The following NELL2 variants were observed in gnomAD, a reference collection of about 807,000 sequenced individuals.
NELL2 encodes protein kinase C-binding protein NELL2.
A neutral mutation model predicts 109.6 loss-of-function variants in NELL2; 41 were observed. That is an observed-to-expected ratio of 0.37 (90% confidence interval 0.29 to 0.49). NELL2 has a LOEUF of 0.49. NELL2 is among the 20% of genes least tolerant of loss of function. The pLI is 0.98. For missense variants in NELL2, 900 were observed against 1,008.3 expected, an observed-to-expected ratio of 0.89 and a Z score of 1.45; for synonymous variants, 355 against 344.7, an observed-to-expected ratio of 1.03 and a Z score of -0.33.
chr12:44,562,367 G>C (rs1275176364), intron 15 of NELL2, among the ~76,000 whole-genome samples: 5 of 152,160 alleles, frequency 3.3e-5, no homozygotes, highest in Admixed American at 1.3e-4. Context: ...ACTATCATCA[G>C]AGTGAACAGG....
chr12:44,752,384 ATGAC>A (rs1940691953), intron 9 of NELL2, among the ~76,000 whole-genome samples: 1 of 152,186 alleles, frequency 6.6e-6, no homozygotes, highest in African/African-American at 2.4e-5. Flanking sequence ...TTCCAGCAGT[ATGAC>A]TGACATACAG....
At chr12:44,729,651 A>C (rs1171129053) in intron 9 of NELL2, among the ~76,000 whole-genome samples, 3 of 151,858 alleles carry the variant, frequency 2.0e-5, no homozygotes, top group Admixed American at 1.3e-4. Flanking sequence ...TGAATGTGAA[A>C]TGTTTGAAAC....
intron 11 of NELL2, among the ~76,000 whole-genome samples, chr12:44,708,994 A>G (rs1938043345): frequency 6.6e-6 from 1 of 152,180 alleles, no homozygotes; most frequent in African/African-American, 2.4e-5. Flanking sequence ...TTTAAAAAGA[A>G]ATAGATGTAG....
intron 15 of NELL2, among the ~76,000 whole-genome samples, chr12:44,602,659 G>A (rs1455502916): frequency 6.6e-6 from 1 of 151,780 alleles, no homozygotes; most frequent in African/African-American, 2.4e-5. Context: ...TTTCCACTGT[G>A]AGTCATATTG....
At chr12:44,729,572 A>AC (rs1939257872) in intron 9 of NELL2, among the ~76,000 whole-genome samples, 3 of 92,484 alleles carry the variant, frequency 3.2e-5, no homozygotes, top group African/African-American at 8.3e-5. Context: ...ATTAAAAAAA[A>AC]AAAAAACCAA....
chr12:44,567,305 G>A (rs990066931), intron 15 of NELL2, among the ~76,000 whole-genome samples: 14 of 152,012 alleles, frequency 9.2e-5, no homozygotes, highest in Admixed American at 5.9e-4. Context: ...AGATACCTCA[G>A]CCAATGAGAT....
At chr12:44,892,304 A>G (rs1477819342) in intron 1 of NELL2, among the ~76,000 whole-genome samples, 1 of 152,182 alleles carries the variant, frequency 6.6e-6, no homozygotes, top group Admixed American at 6.5e-5. Flanking sequence ...GTTACTGTCC[A>G]ACTGGGCAGG....
chr12:44,632,396 T>G (rs958700282), intron 13 of NELL2, among the ~76,000 whole-genome samples: 1 of 152,094 alleles, frequency 6.6e-6, no homozygotes, highest in Non-Finnish European at 1.5e-5. Context: ...TGGAAACACA[T>G]GGCTTTCAAA....
At chr12:44,565,414 T>C (rs1278111537) in intron 15 of NELL2, among the ~76,000 whole-genome samples, 1 of 152,188 alleles carries the variant, frequency 6.6e-6, no homozygotes, top group Non-Finnish European at 1.5e-5. Flanking sequence ...AATACGTGCA[T>C]CTTAGAATTG....
Position 44,774,145 on chromosome 12 carries a change from G to A in NELL2, c.994+602C>T, listed in dbSNP as rs185398230. ...AAATTATTTCCATTATTTATTGAAC[G>A]ATCTAGAACCCAGTTAAGGGTAGTT... is the stretch of plus-strand genomic sequence containing the variant. On this transcript the variant is annotated intron_variant, in intron 9 of 19. Transcript: ENST00000429094. Among the ~76,000 whole-genome samples the A allele has an allele frequency of 1.1e-3, 172 of 152,258 alleles. 2 individuals carry two copies. The South Asian group carries it at 0.02, about 17-fold the overall frequency.
intron 3 of NELL2, among the ~76,000 whole-genome samples, chr12:44,793,424 C>T (rs1942506420): frequency 6.6e-6 from 1 of 152,064 alleles, no homozygotes; most frequent in Admixed American, 6.6e-5. Flanking sequence ...ACGCATCATC[C>T]CATTGCTAAA....
chr12:44,857,914 T>TC (rs1012063911), intron 2 of NELL2, among the ~76,000 whole-genome samples: 1 of 152,030 alleles, frequency 6.6e-6, no homozygotes, highest in Non-Finnish European at 1.5e-5. Flanking sequence ...AGGGGCAGTT[T>TC]CCCCCCATGC....
At chr12:44,577,700 G>A (rs1312691433) in intron 15 of NELL2, among the ~76,000 whole-genome samples, 4 of 151,778 alleles carry the variant, frequency 2.6e-5, no homozygotes, top group Non-Finnish European at 4.4e-5. Flanking sequence ...GGATGGTCTC[G>A]ATCTCCTGAC....
rs1048384293 is a variant in NELL2 at position 44,587,050 on chromosome 12, A to G, written c.1663+20119T>C. Among the ~76,000 whole-genome samples, 4 of 151,894 alleles carry G rather than the reference A, an allele frequency of 2.6e-5. No individual in the cohort carries two copies. The South Asian group carries it at 8.3e-4, about 32-fold the overall frequency. ...CACTTTGGGAGGCCGAGGCGGGTGG[A>G]TCATGAGGTCAGGAGATTGAGACCA... On this transcript the variant is annotated intron_variant, in intron 15 of 19. Transcript: ENST00000429094.
At chr12:44,904,925 T>C (rs1028596705) in intron 1 of NELL2, among the ~76,000 whole-genome samples, 1 of 152,112 alleles carries the variant, frequency 6.6e-6, no homozygotes, top group African/African-American at 2.4e-5. Context: ...TTGGTTATTC[T>C]ATCATGATTT....
chr12:44,793,600 C>T (rs900892697), intron 3 of NELL2, among the ~76,000 whole-genome samples: 9 of 152,238 alleles, frequency 5.9e-5, no homozygotes, highest in Non-Finnish European at 1.0e-4. Context: ...CAAACAATAA[C>T]AGCCATTAAG....
chr12:44,534,987 G>T (rs1457606152), intron 15 of NELL2, among the ~76,000 whole-genome samples: 1 of 151,460 alleles, frequency 6.6e-6, no homozygotes. Flanking sequence ...TCCTTTACCG[G>T]GCCCACTCCT....
chr12:44,826,259 T>C (rs1943707924), intron 2 of NELL2, among the ~76,000 whole-genome samples: 1 of 152,170 alleles, frequency 6.6e-6, no homozygotes, highest in African/African-American at 2.4e-5. Context: ...AAAAATACAA[T>C]GTATAAATTC....
intron 9 of NELL2, among the ~76,000 whole-genome samples, chr12:44,756,766 C>T (rs1261138898): frequency 1.3e-5 from 2 of 152,122 alleles, no homozygotes; most frequent in African/African-American, 2.4e-5. Context: ...ATTTTACAGG[C>T]TCTTCCACTT....
Sources: allele counts gnomAD v4.1 joint callset (sites outside exome capture counted in the v4.1 genomes callset), GRCh38; gene constraint gnomAD v4.1.1; transcripts MANE v1.5; gene names NCBI Gene and HGNC (gene_info 2026-07-23, HGNC 2026-07-21).